The following NCKAP5 variants were observed in gnomAD, a reference collection of about 807,000 sequenced individuals.
NCKAP5 encodes the protein NCK associated protein 5.
NCKAP5 carries 92 observed loss-of-function variants against 167.0 expected under a neutral mutation model. That is an observed-to-expected ratio of 0.55 (90% CI 0.47 to 0.66). The LOEUF is 0.66. Among genes scored for constraint, NCKAP5 ranks in the 30% least tolerant of loss-of-function variants. NCKAP5 has a pLI of 0.00. For missense variants in NCKAP5, 2,378 were observed against 2,315.0 expected (o/e 1.03, Z -0.56); for synonymous variants, 891 against 877.4 (o/e 1.02, Z -0.27).
chr2:132,817,164 G>C (rs1220341655), intron 11 of NCKAP5, among the ~76,000 whole-genome samples: 1 of 152,192 alleles, frequency 6.6e-6, no homozygotes, highest in Non-Finnish European at 1.5e-5. Flanking sequence ...GAGTGACTGT[G>C]AGAGTTTTAA....
At chr2:133,064,816 G>A (rs762641217) in intron 6 of NCKAP5, among the ~76,000 whole-genome samples, 1 of 152,150 alleles carries the variant, frequency 6.6e-6, no homozygotes, top group Non-Finnish European at 1.5e-5. Flanking sequence ...TCTGAGCATA[G>A]CCCCTTAGTA....
intron 6 of NCKAP5, among the ~76,000 whole-genome samples, chr2:133,059,159 G>A (rs2149509885): frequency 6.6e-6 from 1 of 152,188 alleles, no homozygotes; most frequent in South Asian, 2.1e-4. Flanking sequence ...AATTAGCTGG[G>A]AGTGGTGGTG....
Position 133,130,068 on chromosome 2 carries a change from CGTAA to C in NCKAP5, c.247_250del (p.Leu83ValfsTer11), listed in dbSNP as rs1559170547. 1.9e-6 allele frequency: 3 copies of C among 1,611,972 alleles called. No individual in the cohort carries two copies. The highest frequency in any genetic ancestry group is 1.7e-6 in the Non-Finnish European group (2 of 1,179,204). On this transcript the variant is annotated frameshift_variant, in exon 6 of 20. Coordinates refer to ENST00000409261, the MANE Select transcript of NCKAP5 (RefSeq NM_207363.3). LOFTEE classifies it high-confidence loss of function. Reference sequence around the variant, plus strand: ...CTGCAACCGCTTCTCGCTTTGAAGACGTAAGTGTCTCTCCTCTTCCAGTTCATGT... The same window carrying C: ...CTGCAACCGCTTCTCGCTTTGAAGACGTGTCTCTCCTCTTCCAGTTCATGT...
At chr2:133,241,249 C>A (rs2150298548) in intron 4 of NCKAP5, among the ~76,000 whole-genome samples, 1 of 152,246 alleles carries the variant, frequency 6.6e-6, no homozygotes, top group African/African-American at 2.4e-5. Flanking sequence ...TCTTCCTCGC[C>A]CTATTTTGGG....
At chr2:133,273,638 A>T (rs917301173) in intron 4 of NCKAP5, among the ~76,000 whole-genome samples, 10 of 152,018 alleles carry the variant, frequency 6.6e-5, no homozygotes, top group African/African-American at 2.4e-4. Context: ...GGGAAAGGAA[A>T]ATTAAGGAGG....
chr2:133,149,205 A>C (rs993400589), intron 5 of NCKAP5, among the ~76,000 whole-genome samples: 2 of 152,152 alleles, frequency 1.3e-5, no homozygotes, highest in Non-Finnish European at 2.9e-5. Context: ...AGCTTCTAAC[A>C]TCTCACTTGA....
At chr2:132,702,986 C>G (rs185910493) in intron 19 of NCKAP5, among the ~76,000 whole-genome samples, 78 of 152,118 alleles carry the variant, frequency 5.1e-4, no homozygotes, top group Non-Finnish European at 9.4e-4. Context: ...GGAGACCAGC[C>G]TGGGCAATAT....
chr2:133,266,508 C>G (rs2089230366), intron 4 of NCKAP5: 1 of 152,482 alleles, frequency 6.6e-6, no homozygotes, highest in African/African-American at 2.4e-5. Flanking sequence ...CTGGCGTCTC[C>G]TTACCTGGCC....
chr2:132,734,861 C>T (rs1416058619), intron 16 of NCKAP5, among the ~76,000 whole-genome samples: 2 of 152,250 alleles, frequency 1.3e-5, no homozygotes, highest in African/African-American at 2.4e-5. Context: ...CAAGTAAACC[C>T]CAAAGTGGGC....
chr2:133,142,380 C>T (rs910539258), intron 5 of NCKAP5, among the ~76,000 whole-genome samples: 17 of 152,140 alleles, frequency 1.1e-4, no homozygotes, highest in Non-Finnish European at 1.9e-4. Flanking sequence ...TAATAGAATA[C>T]CTGCCTGGCC....
intron 5 of NCKAP5, among the ~76,000 whole-genome samples, chr2:133,171,740 A>T (rs2084259419): frequency 6.6e-6 from 1 of 152,248 alleles, no homozygotes; most frequent in Non-Finnish European, 1.5e-5. Flanking sequence ...GATCCGCCGT[A>T]GTTCTCATAT....
intron 3 of NCKAP5, among the ~76,000 whole-genome samples, chr2:133,466,091 A>C (rs1484784252): frequency 1.4e-5 from 2 of 147,944 alleles, no homozygotes; most frequent in Non-Finnish European, 3.0e-5. Flanking sequence ...GCCCATGCCT[A>C]TGTCCTGAAT....
At chr2:132,987,605 A>C (rs1240169195) in intron 7 of NCKAP5, among the ~76,000 whole-genome samples, 1 of 152,242 alleles carries the variant, frequency 6.6e-6, no homozygotes, top group Non-Finnish European at 1.5e-5. Context: ...CTGAAAAAAA[A>C]GAACATCTTT....
At position 132,826,035 on chromosome 2, in the gene NCKAP5, T is replaced by C. The variant is rs183807937; in HGVS notation, c.808-29306A>G. 2.6e-5 allele frequency among the ~76,000 whole-genome samples: 4 copies of C among 152,368 alleles called. No homozygotes were observed. The East Asian group carries it at 7.7e-4, about 29-fold the overall frequency. On this transcript the variant is annotated intron_variant, in intron 11 of 19. Coordinates refer to ENST00000409261, the MANE Select transcript of NCKAP5 (RefSeq NM_207363.3). ...AAGCCGTTGTTGCACGATGCTTTAC[T>C]TCTGTGGAGTTTTCAATTGCTTATT...
chr2:133,553,251 A>T (rs574349668), intron 2 of NCKAP5, among the ~76,000 whole-genome samples: 1 of 152,236 alleles, frequency 6.6e-6, no homozygotes, highest in Non-Finnish European at 1.5e-5. Context: ...CACAGGCAGT[A>T]AATCGCACTG....
intron 5 of NCKAP5, among the ~76,000 whole-genome samples, chr2:133,204,401 G>A (rs543296327): frequency 7.2e-5 from 11 of 152,272 alleles, no homozygotes; most frequent in South Asian, 4.1e-4. Context: ...CAAATTTGGC[G>A]TGTGTTATTT....
chr2:133,180,489 C>A (rs74461017), intron 5 of NCKAP5, among the ~76,000 whole-genome samples: 9,157 of 152,066 alleles, frequency 0.06, 316 homozygotes, highest in African/African-American at 0.088. Context: ...AGGAACACAC[C>A]ACCAAGCCTG....
chr2:133,282,141 C>T (rs207462390), intron 4 of NCKAP5, among the ~76,000 whole-genome samples: 1 of 152,150 alleles, frequency 6.6e-6, no homozygotes, highest in Non-Finnish European at 1.5e-5. Flanking sequence ...CTTCATTTCC[C>T]TCATCTGCAA....
chr2:133,288,661 A>C (rs957135337), intron 4 of NCKAP5, among the ~76,000 whole-genome samples: 1 of 152,100 alleles, frequency 6.6e-6, no homozygotes, highest in Non-Finnish European at 1.5e-5. Flanking sequence ...ATCTTTTGAA[A>C]GTGGTCACAG....
Sources: gnomAD v4.1 joint callset for allele counts (sites outside exome capture counted in the v4.1 genomes callset) on GRCh38, gnomAD v4.1.1 for gene constraint, MANE v1.5 for transcripts, NCBI Gene and HGNC (gene_info 2026-07-23, HGNC 2026-07-21) for gene names.